The following SWT1 variants were observed in gnomAD, a reference collection of about 807,000 sequenced individuals.
SWT1 encodes the protein SWT1 RNA endoribonuclease homolog, also known as transcriptional protein SWT1.
Under a neutral mutation model 107.3 loss-of-function variants are expected in SWT1, and 33 were observed. The observed-to-expected ratio is 0.31, with a 90% CI of 0.23 to 0.41. The LOEUF (loss-of-function observed/expected upper bound fraction) is 0.41, where lower values mean the gene tolerates loss of function less well. Among genes scored for constraint, SWT1 ranks in the 10% least tolerant of loss-of-function variants. The pLI, the probability that SWT1 is intolerant of heterozygous loss-of-function variation, is 1.00. For missense variants in SWT1, 898 were observed against 1,028.9 expected, an observed-to-expected ratio of 0.87 and a Z score of 1.74; for synonymous variants, 345 against 348.3, an observed-to-expected ratio of 0.99 and a Z score of 0.11.
chr1:185,167,210 C>G (rs1260202572), intron 3 of SWT1, among the ~76,000 whole-genome samples: 1 of 152,162 alleles, frequency 6.6e-6, no homozygotes, highest in Admixed American at 6.5e-5. Context: ...AAGGCAGATA[C>G]ATTGTTTGCA....
chr1:185,264,901 A>G (rs1663265106), intron 16 of SWT1, among the ~76,000 whole-genome samples: 1 of 152,158 alleles, frequency 6.6e-6, no homozygotes, highest in African/African-American at 2.4e-5. Context: ...AATTGTATGT[A>G]TGTTTATGTC....
chr1:185,257,489 C>G (rs1159288282), intron 16 of SWT1, among the ~76,000 whole-genome samples: 1 of 152,168 alleles, frequency 6.6e-6, no homozygotes. Context: ...CGTGGTGCGC[C>G]GTTTTTTAAG....
intron 13 of SWT1, among the ~76,000 whole-genome samples, chr1:185,209,406 G>A (rs748403654): frequency 3.3e-5 from 5 of 152,086 alleles, no homozygotes; most frequent in African/African-American, 9.7e-5. Context: ...CCCAGTGTGT[G>A]ATGTTCCCCT....
At chr1:185,167,663 A>G (rs1005569862) in intron 3 of SWT1, among the ~76,000 whole-genome samples, 4 of 152,046 alleles carry the variant, frequency 2.6e-5, no homozygotes, top group African/African-American at 9.7e-5. Context: ...TTAACTATCC[A>G]GTTTTCTTTT....
intron 5 of SWT1, 84 bp downstream of exon 5, chr1:185,175,197 T>C (rs1571416928): frequency 8.8e-7 from 1 of 1,137,336 alleles, no homozygotes; most frequent in Non-Finnish European, 1.2e-6. Flanking sequence ...TCTATATTTT[T>C]TTCTGTTTTT....
At chr1:185,207,078 T>C (rs893230581) in intron 13 of SWT1, among the ~76,000 whole-genome samples, 1 of 152,258 alleles carries the variant, frequency 6.6e-6, no homozygotes, top group African/African-American at 2.4e-5. Context: ...AACCATGTTT[T>C]ACATTCTGTT....
At chr1:185,242,524 A>G (rs1661322187) in intron 16 of SWT1, among the ~76,000 whole-genome samples, 1 of 152,162 alleles carries the variant, frequency 6.6e-6, no homozygotes. Context: ...ATATCAGCGG[A>G]GAAATGCCGC....
At chr1:185,202,542 G>A (rs982113279) in intron 10 of SWT1, 112 bp from the exon 11 acceptor site, 16 of 849,176 alleles carry the variant, frequency 1.9e-5, no homozygotes, top group East Asian at 2.8e-5. Context: ...CTTTCTTAAG[G>A]TATAGGCTGA....
intron 16 of SWT1, among the ~76,000 whole-genome samples, chr1:185,257,389 G>A (rs895488595): frequency 3.6e-4 from 54 of 152,058 alleles, no homozygotes; most frequent in Middle Eastern, 3.2e-3. Context: ...CCTCGCTGCC[G>A]CCTTGCAGTT....
chr1:185,227,683 A>C (rs1660177085), intron 15 of SWT1: 1 of 604,160 alleles, frequency 1.7e-6, no homozygotes, highest in Non-Finnish European at 2.9e-6. Flanking sequence ...TATTCTTAAC[A>C]ACTTTAACAA....
chr1:185,221,831 T>C lies in SWT1; in HGVS notation c.2122-18T>C. On this transcript the variant is annotated intron_variant, in intron 14 of 18. Transcript: ENST00000367500. ...AATGAAGAACTAGCTGCATTTTATGTAATTCTTATTTCCCCAGGTCAAGAC... is the reference window on the plus strand; with the variant it reads ...AATGAAGAACTAGCTGCATTTTATGCAATTCTTATTTCCCCAGGTCAAGAC... 1 of 1,519,810 alleles carries C rather than the reference T, an allele frequency of 6.6e-7. No individual in the cohort carries two copies. 94.1% of individuals were successfully genotyped at this position (1,519,810 alleles called of 1,614,324 possible).
Position 185,174,720 on chromosome 1 carries a change from C to T in SWT1, c.573C>T (p.Asn191=), listed in dbSNP as rs1250693351. Residue 191 remains asparagine (N), a synonymous_variant, in exon 5 of 19, where the codon AAC becomes AAT. Coordinates refer to ENST00000367500, the MANE Select transcript of SWT1 (RefSeq NM_017673.7). ...TGAAAGAACTCAAGAAAGGAAGAAACAGTAAATTTAGAGACAATTCTGAAA... is the reference window on the plus strand; with the variant it reads ...TGAAAGAACTCAAGAAAGGAAGAAATAGTAAATTTAGAGACAATTCTGAAA... The part of the protein sequence containing the change: ...EKMKELKKGR[N]SKFRDNSEKC... 1 of 1,612,784 alleles carries T rather than the reference C, an allele frequency of 6.2e-7. No homozygotes were observed.
chr1:185,206,801 T>G (rs746290646), intron 13 of SWT1, 38 bp downstream of exon 13: 1 of 1,446,734 alleles, frequency 6.9e-7, no homozygotes, highest in Non-Finnish European at 9.3e-7. Flanking sequence ...CAGTGTTGTA[T>G]TAAGTCAGAC....
At chr1:185,210,310 G>C (rs1658686923) in intron 13 of SWT1, among the ~76,000 whole-genome samples, 1 of 152,166 alleles carries the variant, frequency 6.6e-6, no homozygotes, top group Non-Finnish European at 1.5e-5. Flanking sequence ...CCTATGCCCT[G>C]AATGGTATTG....
intron 5 of SWT1, among the ~76,000 whole-genome samples, chr1:185,177,293 T>C (rs894894426): frequency 6.6e-6 from 1 of 152,212 alleles, no homozygotes; most frequent in Admixed American, 6.5e-5. Flanking sequence ...GGTTTTCCCA[T>C]TGTGCTATAC....
intron 16 of SWT1, among the ~76,000 whole-genome samples, chr1:185,237,220 T>G (rs921927049): frequency 1.3e-5 from 2 of 152,230 alleles, no homozygotes; most frequent in African/African-American, 4.8e-5. Flanking sequence ...CAAAGGACTA[T>G]ATGTCATTCC....
chr1:185,189,573 T>C (rs1251204273), intron 9 of SWT1, among the ~76,000 whole-genome samples: 1 of 152,152 alleles, frequency 6.6e-6, no homozygotes, highest in Non-Finnish European at 1.5e-5. Flanking sequence ...AGTGACTGAA[T>C]TGATATTAGG....
At chr1:185,193,591 C>T (rs867163533) in intron 10 of SWT1, among the ~76,000 whole-genome samples, 8 of 152,062 alleles carry the variant, frequency 5.3e-5, no homozygotes, top group Middle Eastern at 3.4e-3. Flanking sequence ...CTTAGCCTCC[C>T]GAGTAGCTGG....
intron 5 of SWT1, 87 bp downstream of exon 5, chr1:185,175,200 C>CTTT: frequency 1.1e-6 from 1 of 925,770 alleles, no homozygotes; most frequent in Non-Finnish European, 1.4e-6. Context: ...ATATTTTTTT[C>CTTT]TGTTTTTTTT....
Sources: allele counts gnomAD v4.1 joint callset (sites outside exome capture counted in the v4.1 genomes callset), GRCh38; gene constraint gnomAD v4.1.1; transcripts MANE v1.5; gene names NCBI Gene and HGNC (gene_info 2026-07-23, HGNC 2026-07-21).